TNC: variants seen among roughly 807,000 people sequenced by gnomAD.
The protein encoded by TNC is tenascin.
TNC carries 109 observed loss-of-function variants against 202.4 expected under a neutral mutation model. That is an observed-to-expected ratio of 0.54 (90% CI 0.46 to 0.63). The LOEUF (loss-of-function observed/expected upper bound fraction) is 0.63, where lower values mean the gene tolerates loss of function less well. TNC is among the 30% of genes least tolerant of loss of function. The pLI, the probability that TNC is intolerant of heterozygous loss-of-function variation, is 0.00. For missense variants in TNC, 2,756 were observed against 2,833.3 expected, an observed-to-expected ratio of 0.97 and a Z score of 0.62; for synonymous variants, 1,007 against 1,089.7, an observed-to-expected ratio of 0.92 and a Z score of 1.50.
chr9:115,095,546 G>A (rs377064801), intron 1 of TNC, among the ~76,000 whole-genome samples: 7 of 1,964 alleles, frequency 3.6e-3, no homozygotes, highest in African/African-American at 9.7e-3. Flanking sequence ...GTATATATAT[G>A]TATATATATG....
At chr9:115,117,362 A>T (rs973819431) in intron 1 of TNC, among the ~76,000 whole-genome samples, 2 of 152,174 alleles carry the variant, frequency 1.3e-5, no homozygotes, top group Admixed American at 6.5e-5. Context: ...TAGGCACCCC[A>T]GTAAAGCTGT....
At chr9:115,037,395 T>A (rs532623649) in intron 20 of TNC, among the ~76,000 whole-genome samples, 1 of 152,362 alleles carries the variant, frequency 6.6e-6, no homozygotes, top group East Asian at 1.9e-4. Flanking sequence ...AGTCTCTTAC[T>A]TATATTTGAT....
intron 22 of TNC, among the ~76,000 whole-genome samples, chr9:115,034,194 G>A (rs542848263): frequency 1.2e-3 from 183 of 152,278 alleles, no homozygotes; most frequent in Non-Finnish European, 2.1e-3. Flanking sequence ...CAAGGAGGCC[G>A]AGGTGCTACA....
rs781414339 is a variant in TNC, at chr9:115,063,186, T to C, written c.3764A>G (p.Glu1255Gly). 5.0e-6 allele frequency: 8 copies of C among 1,613,874 alleles called. No individual in the cohort carries two copies. Among genetic ancestry groups the C allele is most frequent in the Non-Finnish European group, 5.9e-6 (7 of 1,179,808 alleles). Residue 1255 changes from glutamate to glycine, a missense_variant, in exon 13 of 28, where the codon GAG (glutamate) becomes GGG (glycine). Physicochemically the swap from Glu to Gly is moderately conservative, Grantham distance 98 (BLOSUM62 -2). Around this residue, in one of 2 missense-constraint regions of TNC, gnomAD observed 2,559 missense variants for 2,546.0 expected, o/e 1.01. Coordinates refer to ENST00000350763, the MANE Select transcript of TNC (RefSeq NM_002160.4). ...TGTGAGGTTTCCCATATCTGGAACCTCCTCTGCATAAGGACACAGAGTTGC... is the reference window on the plus strand; with the variant it reads ...TGTGAGGTTTCCCATATCTGGAACCCCCTCTGCATAAGGACACAGAGTTGC... ...TPLSVEVLTEEVPDMGNLTVT... is the reference protein window; with the variant it reads ...TPLSVEVLTEGVPDMGNLTVT...
chr9:115,042,493 T>A, intron 17 of TNC, 152 bp from the exon 18 acceptor site: 5 of 1,100,986 alleles, frequency 4.5e-6, no homozygotes, highest in Non-Finnish European at 6.4e-6. Flanking sequence ...GATCTGTGGT[T>A]AAGTTGTGAC....
chr9:115,095,494 ATATATATGTATATATATATG>A (rs1564137802), intron 1 of TNC, among the ~76,000 whole-genome samples: 4 of 72,750 alleles, frequency 5.5e-5, no homozygotes, highest in African/African-American at 1.6e-4. Flanking sequence ...ATATATATGT[ATATATATGTATATATATATG>A]TATATATATG....
intron 1 of TNC, among the ~76,000 whole-genome samples, chr9:115,108,879 C>T (rs1836824356): frequency 6.6e-6 from 1 of 152,164 alleles, no homozygotes; most frequent in African/African-American, 2.4e-5. Flanking sequence ...TCCCAGCCTC[C>T]AGAACTGTGA....
At chr9:115,027,454 G>A (rs1181510716) in intron 25 of TNC, among the ~76,000 whole-genome samples, 1 of 152,048 alleles carries the variant, frequency 6.6e-6, no homozygotes, top group African/African-American at 2.4e-5. Context: ...GGAGGGCATG[G>A]TGGAGGGTGC....
Position 115,059,864 on chromosome 9 carries a change from T to C in TNC, c.4172A>G (p.Gln1391Arg), listed in dbSNP as rs1057519148. 6.2e-7 allele frequency: 1 copy of C among 1,614,118 alleles called. No individual in the cohort carries two copies. ...VQEVNKVEAA[Q>R]NLTLPGSLRA... ...GAGGCTGCCAGGCAACGTGAGGTTC[T>C]GGGCTGCCTCCACTTTGTTGACCTC... The change falls in exon 14 of 28, where the codon CAG (glutamine) becomes CGG (arginine). Residue 1391 changes from glutamine (Q) to arginine (R), a missense_variant. Physicochemically the swap from Gln to Arg is conservative, Grantham distance 43 (BLOSUM62 1). Around this residue, in one of 2 missense-constraint regions of TNC, gnomAD observed 2,559 missense variants for 2,546.0 expected, o/e 1.01. Coordinates refer to ENST00000350763, the MANE Select transcript of TNC (RefSeq NM_002160.4).
chr9:115,102,444 G>A (rs985326128), intron 1 of TNC, among the ~76,000 whole-genome samples: 2 of 152,208 alleles, frequency 1.3e-5, no homozygotes, highest in Non-Finnish European at 2.9e-5. Context: ...GAGGGTTCCA[G>A]ATGCCTTGAA....
intron 14 of TNC, among the ~76,000 whole-genome samples, chr9:115,058,435 G>A (rs1285500812): frequency 6.6e-6 from 1 of 152,194 alleles, no homozygotes; most frequent in East Asian, 1.9e-4. Flanking sequence ...TAAAAATACT[G>A]AGGACACCCA....
chr9:115,075,370 G>A (rs1204966946), intron 9 of TNC, among the ~76,000 whole-genome samples: 2 of 152,164 alleles, frequency 1.3e-5, no homozygotes, highest in Non-Finnish European at 2.9e-5. Flanking sequence ...AAAGTTAGGT[G>A]TTTTCTCAGA....
intron 6 of TNC, among the ~76,000 whole-genome samples, chr9:115,079,567 A>G (rs1228207701): frequency 6.6e-6 from 1 of 152,164 alleles, no homozygotes; most frequent in Non-Finnish European, 1.5e-5. Flanking sequence ...ATCCCCCTAG[A>G]TTTGGGACCC....
intron 17 of TNC, among the ~76,000 whole-genome samples, chr9:115,044,384 GACACACACACACACAC>G (rs113847516): frequency 2.0e-5 from 3 of 147,108 alleles, no homozygotes; most frequent in African/African-American, 7.5e-5. Context: ...CAGGCATGTA[GACACACACACACACAC>G]ACACACACAC....
intron 17 of TNC, among the ~76,000 whole-genome samples, chr9:115,044,414 CACAA>C (rs1234125826): frequency 6.9e-6 from 1 of 144,494 alleles, no homozygotes; most frequent in African/African-American, 2.8e-5. Context: ...CACACACACA[CACAA>C]GCACGCACGC....
chr9:115,055,638 T>G (rs2132398150), intron 15 of TNC: 1 of 152,598 alleles, frequency 6.6e-6, no homozygotes, highest in East Asian at 1.9e-4. Context: ...TCGGAATTAC[T>G]AACTTCTATA....
At chr9:115,091,795 G>C (rs983509866) in intron 1 of TNC, among the ~76,000 whole-genome samples, 1 of 152,196 alleles carries the variant, frequency 6.6e-6, no homozygotes, top group Non-Finnish European at 1.5e-5. Context: ...ATGACTGTCA[G>C]TATAGCATTC....
Position 115,038,383 on chromosome 9 carries a change from G to A in TNC, c.5393-3C>T. ...CAGGCCAGATGGGCCATCCAGAGCT[G>A]CAAAGAAAGATGGTGGACAGGAGGG... is the stretch of plus-strand genomic sequence containing the variant. On this transcript the variant is annotated splice_region_variant and splice_polypyrimidine_tract_variant and intron_variant, in intron 19 of 27. Coordinates refer to ENST00000350763, the MANE Select transcript of TNC (RefSeq NM_002160.4). 6.2e-7 allele frequency: 1 copy of A among 1,613,676 alleles called. No homozygotes were observed. The highest frequency in any genetic ancestry group is 8.5e-7 in the Non-Finnish European group (1 of 1,179,714).
rs371055558 is a variant in TNC at position 115,086,005 on chromosome 9, C to T, written c.1726G>A (p.Gly576Ser). The T allele has an allele frequency of 3.7e-5, 60 of 1,613,802 alleles. No individual in the cohort carries two copies. The highest frequency in any genetic ancestry group is 5.3e-5 in the African/African-American group (4 of 74,942). The change falls in exon 3 of 28, where the codon GGC becomes AGC. Residue 576 changes from glycine to serine, a missense_variant. Around this residue, in one of 2 missense-constraint regions of TNC, gnomAD observed 2,559 missense variants for 2,546.0 expected, o/e 1.01. Coordinates refer to ENST00000350763, the MANE Select transcript of TNC (RefSeq NM_002160.4). ...AAGCCCTCGTGGCAGATGCACTGGC[C>T]GTCCACGCAGCGGCCCTGGCCATGA... ...DCHGQGRCVDGQCICHEGFTG... is the reference protein window; with the variant it reads ...DCHGQGRCVDSQCICHEGFTG...
Sources: allele counts gnomAD v4.1 joint callset (sites outside exome capture counted in the v4.1 genomes callset), GRCh38; gene constraint gnomAD v4.1.1; regional missense constraint gnomAD v4.1.1; transcripts MANE v1.5; gene names NCBI Gene and HGNC (gene_info 2026-07-23, HGNC 2026-07-21).